The following PRKCZ variants were observed in gnomAD, a reference collection of about 807,000 sequenced individuals.
PRKCZ encodes protein kinase C zeta.
PRKCZ carries 33 observed loss-of-function variants against 79.5 expected under a neutral mutation model. The ratio of observed to expected loss-of-function variants is 0.41; its 90% CI spans 0.31 to 0.55. PRKCZ has a LOEUF of 0.55. PRKCZ is among the 20% of genes least tolerant of loss of function. PRKCZ has a pLI of 0.19. For missense variants in PRKCZ, 578 were observed against 813.5 expected (o/e 0.71, Z 3.52); for synonymous variants, 342 against 320.9 (o/e 1.07, Z -0.70).
chr1:2,184,356 C>T lies in PRKCZ; in HGVS notation c.1576-227C>T, dbSNP rs1199737907. On this transcript the variant is annotated intron_variant, in intron 16 of 17. Transcript: ENST00000378567. ...GATCCTGCTCCGTCCCACATGTGGC[C>T]AGCATGGCCGACACTGGCATTTCTC... The T allele has an allele frequency of 6.2e-6, 3 of 484,178 alleles. No individual in the cohort carries two copies. In the Admixed American group the frequency reaches 1.1e-4, roughly 17 times the overall value. The allele number at this position is 484,178 out of a possible 1,614,324, so 30.0% of individuals were successfully genotyped here.
Position 2,185,076 on chromosome 1 carries a change from A to G in PRKCZ, c.*67A>G, listed in dbSNP as rs977900784. 3.2e-5 allele frequency: 46 copies of G among 1,430,792 alleles called. No homozygotes were observed. The highest frequency in any genetic ancestry group is 4.3e-5 in the Non-Finnish European group (45 of 1,035,794). 88.6% of individuals were successfully genotyped at this position (1,430,792 alleles called of 1,614,324 possible). A position where few individuals can be genotyped will look rare whatever the true frequency, so the allele number is the denominator to read the frequency against. On this transcript the variant is annotated 3_prime_UTR_variant, in exon 18 of 18. Coordinates refer to ENST00000378567, the MANE Select transcript of PRKCZ (RefSeq NM_002744.6). ...TTAACTGTATCCTTAACCACCGCAT[A>G]TGCATGCCAGGCTGGGCACGGCTCC... is the stretch of plus-strand genomic sequence containing the variant.
chr1:2,084,679 G>T (rs1395882275), intron 4 of PRKCZ, among the ~76,000 whole-genome samples: 1 of 152,214 alleles, frequency 6.6e-6, no homozygotes, highest in Non-Finnish European at 1.5e-5. Context: ...CATCGGGTCT[G>T]TGTGGCAGCA....
At chr1:2,157,997 C>G (rs1456442975) in intron 10 of PRKCZ, among the ~76,000 whole-genome samples, 1 of 152,246 alleles carries the variant, frequency 6.6e-6, no homozygotes, top group African/African-American at 2.4e-5. Flanking sequence ...AGCTGTACAT[C>G]TGGCGACTTG....
chr1:2,131,082 C>T (rs529960652), intron 4 of PRKCZ, among the ~76,000 whole-genome samples: 3 of 152,282 alleles, frequency 2.0e-5, no homozygotes, highest in East Asian at 3.9e-4. Flanking sequence ...TGGGGTGGGG[C>T]GTGGCCTCGC....
chr1:2,120,730 A>AT (rs1292416486), intron 4 of PRKCZ, among the ~76,000 whole-genome samples: 1 of 150,384 alleles, frequency 6.6e-6, no homozygotes. Context: ...TTCAATGTGG[A>AT]TTTTTTTCTA....
chr1:2,179,800 G>A (rs1055099163), intron 16 of PRKCZ, among the ~76,000 whole-genome samples: 5 of 152,120 alleles, frequency 3.3e-5, no homozygotes, highest in Non-Finnish European at 5.9e-5. Context: ...CGTGTGGTGG[G>A]AGCCTCAGGA....
In PRKCZ at chr1:2,082,519, G is replaced by T. The variant is rs543976875; in HGVS notation, c.334+22928G>T. On this transcript the variant is annotated intron_variant, in intron 4 of 17. Coordinates refer to ENST00000378567, the MANE Select transcript of PRKCZ (RefSeq NM_002744.6). This position sits in a 1 kb window ranked among gnomAD's most constrained non-coding sequence, Gnocchi z 4.4. ...CCGGTTTTGTGATGTGGGCAGTGCC[G>T]TGCTGGTAAATGCTCTGTGAGGAAG... is the stretch of plus-strand genomic sequence containing the variant. 2.4e-6 allele frequency: 1 copy of T among 420,280 alleles called. No homozygotes were observed. Among genetic ancestry groups the T allele is most frequent in the African/African-American group, 2.0e-5 (1 of 49,106 alleles). The allele number at this position is 420,280 out of a possible 1,614,324, so 26.0% of individuals were successfully genotyped here. A position where few individuals can be genotyped will look rare whatever the true frequency, so the allele number is the denominator to read the frequency against.
intron 11 of PRKCZ, 71 bp downstream of exon 11, chr1:2,169,675 G>T: frequency 8.1e-7 from 1 of 1,235,248 alleles, no homozygotes; most frequent in South Asian, 1.5e-5. Context: ...GCGGTGTTGG[G>T]GGGCTGGGTG....
At chr1:2,087,980 G>A (rs919016309) in intron 4 of PRKCZ, among the ~76,000 whole-genome samples, 4 of 152,232 alleles carry the variant, frequency 2.6e-5, no homozygotes, top group African/African-American at 9.6e-5. Flanking sequence ...GGTGCCTGGC[G>A]CGTGCTGGCC....
At position 2,178,093 on chromosome 1, in the gene PRKCZ, C is replaced by T. The variant is rs1572030172; in HGVS notation, c.1575+2780C>T. ...CTTGGCAGAAGGAAGGTCCTCCTCC[C>T]ATTCACCCAACGCCTGCAACTCAGT... On this transcript the variant is annotated intron_variant, in intron 16 of 17. Transcript: ENST00000378567. This position sits in a 1 kb window ranked among gnomAD's most constrained non-coding sequence, Gnocchi z 4.3. Among the ~76,000 whole-genome samples the T allele has an allele frequency of 6.6e-6, 1 of 152,212 alleles. No homozygotes were observed. Among genetic ancestry groups the T allele is most frequent in the Non-Finnish European group, 1.5e-5 (1 of 68,038 alleles).
intron 4 of PRKCZ, among the ~76,000 whole-genome samples, chr1:2,114,030 G>A (rs1454587776): frequency 6.6e-6 from 1 of 152,216 alleles, no homozygotes; most frequent in Non-Finnish European, 1.5e-5. Context: ...GCCATGTTGT[G>A]TGTGTGGTGC....
At position 2,174,166 on chromosome 1, in the gene PRKCZ, G is replaced by A. The variant is rs1685001872; in HGVS notation, c.1405+150G>A. ...ACCATTCCTCCTGGCCAGACCCTGT[G>A]TCACATGCCACTCCCCGGGCCGTGG... On this transcript the variant is annotated intron_variant, in intron 14 of 17. Transcript: ENST00000378567. The surrounding 1 kb of genome is among the most constrained non-coding windows in gnomAD (Gnocchi z 6.2). The A allele has an allele frequency of 8.8e-7, 1 of 1,132,806 alleles. No individual in the cohort carries two copies. The highest frequency in any genetic ancestry group is 1.2e-6 in the Non-Finnish European group (1 of 840,818). The allele number at this position is 1,132,806 out of a possible 1,614,324, so 70.2% of individuals were successfully genotyped here.
chr1:2,170,797 A>C (rs1368426450), intron 11 of PRKCZ, among the ~76,000 whole-genome samples: 1 of 152,176 alleles, frequency 6.6e-6, no homozygotes, highest in African/African-American at 2.4e-5. Flanking sequence ...CTCAAGATTC[A>C]TCCGTGCTGT....
At chr1:2,155,199 T>A (rs1045312192) in intron 9 of PRKCZ, among the ~76,000 whole-genome samples, 7 of 150,066 alleles carry the variant, frequency 4.7e-5, no homozygotes, top group Non-Finnish European at 1.0e-4. Flanking sequence ...GATGAAGATG[T>A]TGATGATGGC....
Position 2,054,075 on chromosome 1 carries a change from G to T in PRKCZ, c.72-1366G>T, listed in dbSNP as rs191726616. ...TGTGTCAGGGCCGCGGCTGTGGACC[G>T]ATCCTGTGTTCTGTTTGCACTGGAG... is the stretch of plus-strand genomic sequence containing the variant. On this transcript the variant is annotated intron_variant, in intron 1 of 17. Transcript: ENST00000378567. Among the ~76,000 whole-genome samples, 595 of 152,288 alleles carry T rather than the reference G, an allele frequency of 3.9e-3. 2 individuals carry two copies. Among genetic ancestry groups the T allele is most frequent in the African/African-American group, 0.014 (575 of 41,552 alleles).
At chr1:2,154,667 C>G (rs1680582405) in intron 9 of PRKCZ, among the ~76,000 whole-genome samples, 1 of 152,190 alleles carries the variant, frequency 6.6e-6, no homozygotes. Flanking sequence ...CCCTGTGATC[C>G]AGCCTATTTT....
chr1:2,096,478 C>T (rs907490598), intron 4 of PRKCZ, among the ~76,000 whole-genome samples: 4 of 152,116 alleles, frequency 2.6e-5, no homozygotes, highest in Non-Finnish European at 4.4e-5. Flanking sequence ...GTACGGACTT[C>T]GTGAGGATCT....
chr1:2,065,626 C>T (rs541214100), intron 4 of PRKCZ, among the ~76,000 whole-genome samples: 20 of 139,468 alleles, frequency 1.4e-4, no homozygotes, highest in African/African-American at 2.7e-4. Context: ...TTGCAGTGAG[C>T]GGAGATCGTG....
intron 4 of PRKCZ, chr1:2,133,904 G>GC (rs1557648447): frequency 6.6e-6 from 1 of 151,510 alleles, no homozygotes; most frequent in South Asian, 2.1e-4. Flanking sequence ...CACATGAGGG[G>GC]TCACCCGACC....
Sources: gnomAD v4.1 joint callset for allele counts (sites outside exome capture counted in the v4.1 genomes callset) on GRCh38, gnomAD v4.1.1 for gene constraint, Gnocchi (gnomAD v3.1) non-coding constraint, MANE v1.5 for transcripts, NCBI Gene and HGNC (gene_info 2026-07-23, HGNC 2026-07-21) for gene names.